The following ANO1 variants were observed in gnomAD, a reference collection of about 807,000 sequenced individuals.
The protein encoded by ANO1 is anoctamin-1.
Under a neutral mutation model 124.0 loss-of-function variants are expected in ANO1, and 59 were observed. That is an observed-to-expected ratio of 0.48 (90% CI 0.39 to 0.59). The LOEUF (loss-of-function observed/expected upper bound fraction) is 0.59, where lower values mean the gene tolerates loss of function less well. ANO1 is among the 20% of genes least tolerant of loss of function. The pLI is 0.00. For missense variants in ANO1, 1,059 were observed against 1,328.0 expected (o/e 0.80, Z 3.15); for synonymous variants, 529 against 532.0 (o/e 0.99, Z 0.08).
At chr11:70,055,068 T>A (rs1857413042) in intron 1 of ANO1, among the ~76,000 whole-genome samples, 1 of 152,220 alleles carries the variant, frequency 6.6e-6, no homozygotes, top group African/African-American at 2.4e-5. Flanking sequence ...TTTTTATAGT[T>A]GTCCTTTTGT....
intron 1 of ANO1, among the ~76,000 whole-genome samples, chr11:69,998,107 A>G (rs1856308768): frequency 6.6e-6 from 1 of 152,186 alleles, no homozygotes; most frequent in Non-Finnish European, 1.5e-5. Flanking sequence ...AGCTGTGAGC[A>G]TGCATTCAGC....
intron 1 of ANO1, among the ~76,000 whole-genome samples, chr11:70,038,672 G>C (rs538236424): frequency 4.1e-4 from 63 of 152,188 alleles, no homozygotes; most frequent in Non-Finnish European, 7.6e-4. Context: ...CCCAGGGAGA[G>C]AGCCAGGACT....
rs758807383 is a variant in ANO1 at position 70,132,025 on chromosome 11, C to T, written c.1204C>T (p.His402Tyr). 12 of 1,605,546 alleles carry T rather than the reference C, an allele frequency of 7.5e-6. No homozygotes were observed. In the East Asian group the frequency reaches 2.5e-4, roughly 33 times the overall value. The change falls in exon 11 of 26, where the codon CAC becomes TAC. Residue 402 changes from histidine to tyrosine, a missense_variant. By Grantham distance (83) the His-to-Tyr change is moderately conservative. Coordinates refer to ENST00000355303, the MANE Select transcript of ANO1 (RefSeq NM_018043.7). ...SSACATARAS[H>Y]LFDNPATVFF... ...AGCCTGCGCCACGGCCCGCGCCAGC[C>T]ACCTCTTCGACAACCCCGCCACGGT... is the stretch of plus-strand genomic sequence containing the variant.
intron 1 of ANO1, among the ~76,000 whole-genome samples, chr11:69,993,057 A>G (rs1280553074): frequency 6.6e-6 from 1 of 152,112 alleles, no homozygotes; most frequent in Non-Finnish European, 1.5e-5. Flanking sequence ...GCCTTTTGCC[A>G]TGATTCGTCT....
intron 7 of ANO1, among the ~76,000 whole-genome samples, chr11:70,112,554 T>C (rs1464819992): frequency 7.9e-5 from 1 of 12,660 alleles, no homozygotes; most frequent in African/African-American, 2.5e-4. Context: ...TTTTCTTTTC[T>C]TTTTTTTTTT....
At chr11:70,065,921 G>A (rs1321632791) in intron 1 of ANO1, among the ~76,000 whole-genome samples, 3 of 152,094 alleles carry the variant, frequency 2.0e-5, no homozygotes, top group East Asian at 1.9e-4. Flanking sequence ...CCCCACACTC[G>A]CTAGCCCGCC....
intron 1 of ANO1, among the ~76,000 whole-genome samples, chr11:70,036,940 C>T (rs72939636): frequency 0.13 from 19,734 of 152,266 alleles, 1,298 homozygotes; most frequent in African/African-American, 0.14. Flanking sequence ...GCCTTTCTCT[C>T]CCGAGGCTGG....
At chr11:70,046,813 C>A (rs1555005704) in intron 1 of ANO1, among the ~76,000 whole-genome samples, 1 of 152,042 alleles carries the variant, frequency 6.6e-6, no homozygotes, top group Non-Finnish European at 1.5e-5. Context: ...GTGGTTCACA[C>A]CCATAATCCC....
intron 22 of ANO1, among the ~76,000 whole-genome samples, chr11:70,172,441 C>T (rs547306314): frequency 1.3e-5 from 2 of 152,252 alleles, no homozygotes; most frequent in South Asian, 2.1e-4. Flanking sequence ...ATAGCACCTG[C>T]GTACTAATTA....
At chr11:70,091,350 C>G (rs1025544012) in intron 2 of ANO1, among the ~76,000 whole-genome samples, 8 of 152,172 alleles carry the variant, frequency 5.3e-5, no homozygotes, top group Non-Finnish European at 1.0e-4. Context: ...TCCACAGAGT[C>G]TATCAGATTC....
Position 70,187,825 on chromosome 11 carries a change from G to C in ANO1, c.2782G>C (p.Val928Leu), listed in dbSNP as rs1487690674. ...CAGCCAGCAGATCCACAAGGAGAAG[G>C]TGCTCATGGTGGAGCTGTTCATGCG... ...DISQQIHKEK[V>L]LMVELFMREE... The change falls in exon 26 of 26, where the codon GTG becomes CTG. Residue 928 changes from valine (V) to leucine (L), a missense_variant. Val to Leu is a conservative substitution (Grantham distance 32). Around this residue, in one of 2 missense-constraint regions of ANO1, gnomAD observed 809 missense variants for 1,094.9 expected, o/e 0.74. Coordinates refer to ENST00000355303, the MANE Select transcript of ANO1 (RefSeq NM_018043.7). 6.2e-7 allele frequency: 1 copy of C among 1,609,064 alleles called. No individual in the cohort carries two copies. Among genetic ancestry groups the C allele is most frequent in the Non-Finnish European group, 8.5e-7 (1 of 1,178,016 alleles).
chr11:70,042,173 C>T (rs560326731), intron 1 of ANO1, among the ~76,000 whole-genome samples: 23 of 152,256 alleles, frequency 1.5e-4, no homozygotes, highest in African/African-American at 5.1e-4. Context: ...TAATCTGTCC[C>T]TTCCCCAGCC....
At chr11:70,026,025 GTGA>G (rs782455040) in intron 1 of ANO1, among the ~76,000 whole-genome samples, 1 of 140,820 alleles carries the variant, frequency 7.1e-6, no homozygotes, top group Admixed American at 7.1e-5. Flanking sequence ...GGTGGTGATG[GTGA>G]TGATGATGGT....
intron 2 of ANO1, among the ~76,000 whole-genome samples, chr11:70,100,708 A>T (rs974378758): frequency 1.3e-5 from 2 of 152,346 alleles, no homozygotes; most frequent in East Asian, 1.9e-4. Context: ...TGAAATGAGG[A>T]TGATGACAGG....
chr11:70,044,844 T>A (rs1247578267), intron 1 of ANO1, among the ~76,000 whole-genome samples: 3 of 152,292 alleles, frequency 2.0e-5, no homozygotes, highest in Non-Finnish European at 4.4e-5. Context: ...CTCCCTGTAA[T>A]ACTTGATCTT....
chr11:69,967,733 C>T, the ANO1 span, among the ~76,000 whole-genome samples: 2 of 152,230 alleles, frequency 1.3e-5, no homozygotes, highest in Admixed American at 6.5e-5. Flanking sequence ...GGCCACACAA[C>T]TGGTCCGGTG....
At chr11:70,017,848 A>G (rs1331534611) in intron 1 of ANO1, among the ~76,000 whole-genome samples, 1 of 152,028 alleles carries the variant, frequency 6.6e-6, no homozygotes, top group Admixed American at 6.6e-5. Flanking sequence ...GAAGCCTTTT[A>G]CACAAACAAA....
In ANO1 at chr11:70,189,287, C is replaced by G. The variant is rs900175877; in HGVS notation, c.*1283C>G. 3 of 152,622 alleles carry G rather than the reference C, an allele frequency of 2.0e-5. No homozygotes were observed. The highest frequency in any genetic ancestry group is 7.2e-5 in the African/African-American group (3 of 41,454). 9.5% of individuals were successfully genotyped at this position (152,622 alleles called of 1,614,324 possible). A position where few individuals can be genotyped will look rare whatever the true frequency, so the allele number is the denominator to read the frequency against. ...TGTTACATTCCCTTTAATCTGCCAA[C>G]TGTGGTCAAAGTTCATAGGTGTCGT... On this transcript the variant is annotated 3_prime_UTR_variant, in exon 26 of 26. Coordinates refer to ENST00000355303, the MANE Select transcript of ANO1 (RefSeq NM_018043.7).
chr11:70,182,253 C>T (rs1341557566), intron 23 of ANO1, among the ~76,000 whole-genome samples: 1 of 152,268 alleles, frequency 6.6e-6, no homozygotes, highest in African/African-American at 2.4e-5. Flanking sequence ...CTGCCTGGTG[C>T]CTTCTCTCCT....
Sources: gnomAD v4.1 joint callset for allele counts (sites outside exome capture counted in the v4.1 genomes callset) on GRCh38, gnomAD v4.1.1 for gene constraint, gnomAD v4.1.1 regional missense constraint, MANE v1.5 for transcripts, NCBI Gene and HGNC (gene_info 2026-07-23, HGNC 2026-07-21) for gene names.